The following ATRX variants were observed in gnomAD, a reference collection of about 807,000 sequenced individuals.
The protein encoded by ATRX is ATRX chromatin remodeler.
Under a neutral mutation model 172.6 loss-of-function variants are expected in ATRX, and 12 were observed. That is an observed-to-expected ratio of 0.07 (90% CI 0.04 to 0.11). The LOEUF is 0.11. Ranked by LOEUF, ATRX falls within the 10% of genes least tolerant of loss-of-function variation. The probability of loss-of-function intolerance (pLI) is 1.00; values close to 1 mark genes in which losing one functional copy is unlikely to be tolerated. For missense variants in ATRX, 1,368 were observed against 1,767.4 expected, an observed-to-expected ratio of 0.77 and a Z score of 4.05; for synonymous variants, 674 against 594.7, an observed-to-expected ratio of 1.13 and a Z score of -1.94.
intron 15 of ATRX, among the ~76,000 whole-genome samples, chrX:77,647,379 A>T (rs782691059): frequency 7.8e-4 from 87 of 111,934 alleles, no homozygotes; most frequent in South Asian, 7.3e-3. Flanking sequence ...GCACAAACTA[A>T]ACCCTAGCTA....
At chrX:77,748,904 G>T (rs2148872072) in intron 1 of ATRX, among the ~76,000 whole-genome samples, 1 of 111,583 alleles carries the variant, frequency 9.0e-6, no homozygotes, top group Non-Finnish European at 1.9e-5. Context: ...TTTAAAGTGA[G>T]ATACGAAATG....
At chrX:77,692,130 C>A (rs1461239659) in intron 6 of ATRX, among the ~76,000 whole-genome samples, 4 of 111,545 alleles carry the variant, frequency 3.6e-5, no homozygotes, top group African/African-American at 1.3e-4. Flanking sequence ...CTACAGGGTC[C>A]CTTCCCAAAA....
chrX:77,760,611 TATA>T (rs1173215878), intron 1 of ATRX, among the ~76,000 whole-genome samples: 2 of 109,529 alleles, frequency 1.8e-5, no homozygotes, highest in Non-Finnish European at 3.8e-5. Flanking sequence ...AAACTTAAAG[TATA>T]ATAATAAAAA....
chrX:77,745,412 A>G (rs1481432979), intron 1 of ATRX, among the ~76,000 whole-genome samples: 1 of 111,493 alleles, frequency 9.0e-6, no homozygotes, highest in African/African-American at 3.3e-5. Flanking sequence ...AGCCCTTAAA[A>G]AAGTATGAGA....
intron 1 of ATRX, among the ~76,000 whole-genome samples, chrX:77,746,153 A>G (rs2075064435): frequency 9.0e-6 from 1 of 110,972 alleles, no homozygotes; most frequent in Non-Finnish European, 1.9e-5. Context: ...AAGGTGAGAG[A>G]GCAGGAGGTG....
chrX:77,623,554 C>T (rs781945853), intron 19 of ATRX, among the ~76,000 whole-genome samples: 1 of 111,495 alleles, frequency 9.0e-6, no homozygotes, highest in African/African-American at 3.3e-5. Flanking sequence ...CTAATTCATC[C>T]CTATTCATCA....
At chrX:77,582,792 C>T (rs1317536988) in intron 27 of ATRX, among the ~76,000 whole-genome samples, 1 of 111,359 alleles carries the variant, frequency 9.0e-6, no homozygotes. Flanking sequence ...AAGATTGAAC[C>T]GTGAAGAAGT....
At chrX:77,543,957 AATAT>A (rs368971356) in intron 30 of ATRX, among the ~76,000 whole-genome samples, 5 of 103,631 alleles carry the variant, frequency 4.8e-5, no homozygotes, top group Admixed American at 1.1e-4. Context: ...TAGAATATTA[AATAT>A]ATATATATAT....
chrX:77,704,887 C>A (rs188145894), intron 2 of ATRX, among the ~76,000 whole-genome samples: 1 of 112,182 alleles, frequency 8.9e-6, no homozygotes, highest in East Asian at 2.8e-4. Context: ...CCTGGGTCTG[C>A]AGCCCCCCCA....
In ATRX at chrX:77,682,879, T is replaced by C. The variant is rs1557139803; in HGVS notation, c.2377A>G (p.Lys793Glu). The change falls in exon 9 of 35, where the codon AAA (lysine) becomes GAA (glutamate). Residue 793 changes from lysine (K) to glutamate (E), a missense_variant. Physicochemically the swap from Lys to Glu is moderately conservative, Grantham distance 56. Transcript: ENST00000373344. ...SSTSGSDFDT[K>E]KGKSAKSSII... Reference sequence around the variant, plus strand: ...GAGCTCTTAGCTGATTTGCCCTTTTTAGTATCAAAATCTGAGCCAGATGTA... The same window carrying C: ...GAGCTCTTAGCTGATTTGCCCTTTTCAGTATCAAAATCTGAGCCAGATGTA... 1 of 1,207,825 alleles carries C rather than the reference T, an allele frequency of 8.3e-7. No individual in the cohort carries two copies. Among genetic ancestry groups the C allele is most frequent in the Non-Finnish European group, 1.1e-6 (1 of 894,679 alleles).
intron 1 of ATRX, among the ~76,000 whole-genome samples, chrX:77,757,102 T>C (rs868944860): frequency 2.0e-5 from 2 of 101,402 alleles, no homozygotes; most frequent in African/African-American, 9.6e-5. Context: ...TTTTGATATA[T>C]ACATCATATC....
At chrX:77,540,093 T>C (rs1379124375) in intron 30 of ATRX, among the ~76,000 whole-genome samples, 4 of 111,153 alleles carry the variant, frequency 3.6e-5, no homozygotes, top group African/African-American at 9.8e-5. Context: ...AAGACACTCA[T>C]AGGCTCAAAA....
At chrX:77,748,238 T>C (rs1021705915) in intron 1 of ATRX, among the ~76,000 whole-genome samples, 4 of 111,858 alleles carry the variant, frequency 3.6e-5, no homozygotes, top group Non-Finnish European at 7.5e-5. Flanking sequence ...ACACATTAAG[T>C]GGAAAAAGCA....
At position 77,583,352 on chromosome X, in the gene ATRX, C is replaced by T. The variant is rs2065895318; in HGVS notation, c.6217+6482G>A. On this transcript the variant is annotated intron_variant, in intron 27 of 34. Coordinates refer to ENST00000373344, the MANE Select transcript of ATRX (RefSeq NM_000489.6). The stretch of plus-strand genomic sequence containing the variant: ...CTGTCTGGCCAACATGGTGAAACCT[C>T]GTCTCTACTAAAAATGCAAAAATTA... Among the ~76,000 whole-genome samples the T allele has an allele frequency of 2.7e-5, 3 of 110,675 alleles. No individual in the cohort carries two copies. The South Asian group carries it at 1.2e-3, about 43-fold the overall frequency.
chrX:77,513,316 C>CAAAAAAAAAAAA (rs1217104194), intron 34 of ATRX, among the ~76,000 whole-genome samples: 1 of 25,663 alleles, frequency 3.9e-5, no homozygotes. Flanking sequence ...GACTCCGTCT[C>CAAAAAAAAAAAA]AAAAAAAAAA....
intron 30 of ATRX, among the ~76,000 whole-genome samples, chrX:77,541,135 T>C: frequency 9.0e-6 from 1 of 111,729 alleles, no homozygotes; most frequent in African/African-American, 3.3e-5. Context: ...ATAAAGGGGA[T>C]ATCACCACTG....
chrX:77,693,967 C>G (rs1178770653), intron 5 of ATRX, 30 bp from the exon 6 acceptor site: 1 of 1,069,256 alleles, frequency 9.4e-7, no homozygotes, highest in African/African-American at 1.8e-5. Flanking sequence ...AAAACCATTA[C>G]ACATATTAAA....
intron 1 of ATRX, among the ~76,000 whole-genome samples, chrX:77,725,747 A>G (rs1170054911): frequency 8.9e-6 from 1 of 112,355 alleles, no homozygotes. Flanking sequence ...AATATCCAGA[A>G]TCTACAAAGA....
At chrX:77,558,930 G>T in intron 28 of ATRX, 84 bp from the exon 29 acceptor site, 1 of 776,797 alleles carries the variant, frequency 1.3e-6, no homozygotes, top group Non-Finnish European at 1.9e-6. Flanking sequence ...TTGATACTTA[G>T]TTTTTTTTTA....
Sources: gnomAD v4.1 joint callset for allele counts (sites outside exome capture counted in the v4.1 genomes callset) on GRCh38, gnomAD v4.1.1 for gene constraint, MANE v1.5 for transcripts, NCBI Gene and HGNC (gene_info 2026-07-23, HGNC 2026-07-21) for gene names.